PDE10A: variants seen among roughly 807,000 people sequenced by gnomAD.
The protein encoded by PDE10A is phosphodiesterase 10A.
A neutral mutation model predicts 97.7 loss-of-function variants in PDE10A; 39 were observed. The observed-to-expected ratio is 0.40, with a 90% CI of 0.31 to 0.52. The LOEUF is 0.52. Among genes scored for constraint, PDE10A ranks in the 20% least tolerant of loss-of-function variants. The pLI is 0.56. For missense variants in PDE10A, 731 were observed against 1,047.8 expected, an observed-to-expected ratio of 0.70 and a Z score of 4.17; for synonymous variants, 371 against 376.8, an observed-to-expected ratio of 0.98 and a Z score of 0.18.
intron 1 of PDE10A, among the ~76,000 whole-genome samples, chr6:165,550,543 T>C (rs1783961068): frequency 6.6e-6 from 1 of 152,186 alleles, no homozygotes. Flanking sequence ...ATATGAGGAA[T>C]GGGTGAATGA....
intron 3 of PDE10A, among the ~76,000 whole-genome samples, chr6:165,470,297 A>C (rs1778912509): frequency 6.6e-6 from 1 of 152,212 alleles, no homozygotes. Flanking sequence ...GACTCCACGT[A>C]ATTCTAACTT....
At chr6:165,987,153 G>C (rs946453011) in intron 1 of PDE10A, among the ~76,000 whole-genome samples, 1 of 152,154 alleles carries the variant, frequency 6.6e-6, no homozygotes, top group Non-Finnish European at 1.5e-5. Context: ...CAGCCGCTGC[G>C]GTTTGCAGCT....
chr6:165,342,712 T>G (rs977886480), intron 19 of PDE10A, among the ~76,000 whole-genome samples: 1 of 152,234 alleles, frequency 6.6e-6, no homozygotes, highest in African/African-American at 2.4e-5. Flanking sequence ...CATAGAGTAG[T>G]TTTTGAATAT....
chr6:165,772,181 TTG>T (rs1778031467), intron 1 of PDE10A, among the ~76,000 whole-genome samples: 1 of 152,180 alleles, frequency 6.6e-6, no homozygotes, highest in South Asian at 2.1e-4. Flanking sequence ...GAATAAAGCA[TTG>T]TGTTTTTGAA....
chr6:165,433,089 G>T lies in PDE10A; in HGVS notation c.1376C>A (p.Thr459Asn), dbSNP rs200203578. 394 of 1,613,370 alleles carry T rather than the reference G, an allele frequency of 2.4e-4. 2 individuals are homozygous for T. The Admixed American group carries it at 4.1e-3, about 17-fold the overall frequency. Residue 459 changes from threonine (T) to asparagine (N), a missense_variant, in exon 7 of 22, where the codon ACT becomes AAT. Around this residue, in one of 8 missense-constraint regions of PDE10A, gnomAD observed 152 missense variants for 199.3 expected, o/e 0.76. Transcript: ENST00000539869. ...FPRGTGLESG[T>N]RIQSVLCLPI... ...TAAGCAAAGAACAGACTGGATACGAGTCCCTGATTCCAGTCCAGTACCTCT... is the reference window on the plus strand; with the variant it reads ...TAAGCAAAGAACAGACTGGATACGATTCCCTGATTCCAGTCCAGTACCTCT...
chr6:165,964,968 C>T (rs1473796515), intron 1 of PDE10A, among the ~76,000 whole-genome samples: 1 of 152,162 alleles, frequency 6.6e-6, no homozygotes, highest in Non-Finnish European at 1.5e-5. Flanking sequence ...AGGCATCAAG[C>T]CTTCAGTTGG....
At chr6:165,804,978 G>A (rs1219761393) in intron 1 of PDE10A, among the ~76,000 whole-genome samples, 6 of 149,032 alleles carry the variant, frequency 4.0e-5, no homozygotes, top group Admixed American at 1.3e-4. Flanking sequence ...ACGGAGGGAC[G>A]GCGGGGCCTG....
intron 4 of PDE10A, among the ~76,000 whole-genome samples, chr6:165,449,447 T>G (rs1389015782): frequency 6.6e-6 from 1 of 152,166 alleles, no homozygotes; most frequent in Non-Finnish European, 1.5e-5. Flanking sequence ...CAGGGTCATC[T>G]GAAGGCAACT....
intron 1 of PDE10A, among the ~76,000 whole-genome samples, chr6:165,602,901 G>T (rs1394832190): frequency 6.6e-6 from 1 of 152,042 alleles, no homozygotes; most frequent in East Asian, 1.9e-4. Flanking sequence ...TGTCCTGTTG[G>T]CAATAATTAT....
At chr6:165,748,578 A>G (rs1305316658) in intron 1 of PDE10A, among the ~76,000 whole-genome samples, 2 of 152,186 alleles carry the variant, frequency 1.3e-5, no homozygotes, top group Admixed American at 6.6e-5. Context: ...ATAAATATTT[A>G]TGTTTTATTC....
chr6:165,983,652 C>A (rs537114233), intron 1 of PDE10A, among the ~76,000 whole-genome samples: 3 of 152,314 alleles, frequency 2.0e-5, no homozygotes, highest in Admixed American at 2.0e-4. Flanking sequence ...ACACATAAAC[C>A]TTCCAAGTTG....
At chr6:165,679,754 G>A (rs1320551737) in intron 1 of PDE10A, among the ~76,000 whole-genome samples, 4 of 152,204 alleles carry the variant, frequency 2.6e-5, no homozygotes, top group Admixed American at 2.0e-4. Context: ...GTAAGACAAA[G>A]GGCCACAAGA....
At chr6:165,377,909 T>C (rs1784711625) in intron 18 of PDE10A, among the ~76,000 whole-genome samples, 2 of 152,200 alleles carry the variant, frequency 1.3e-5, no homozygotes, top group Non-Finnish European at 2.9e-5. Flanking sequence ...CCATCCCTCT[T>C]TGTGGTCCAG....
chr6:165,780,772 C>T (rs976113341), intron 1 of PDE10A: 4 of 152,248 alleles, frequency 2.6e-5, no homozygotes, highest in Admixed American at 2.0e-4. Context: ...GAGGTCTCAC[C>T]CTCTCAACGC....
chr6:165,802,262 T>C (rs1779004869), intron 1 of PDE10A, among the ~76,000 whole-genome samples: 1 of 152,158 alleles, frequency 6.6e-6, no homozygotes, highest in African/African-American at 2.4e-5. Context: ...ACATGACTTC[T>C]GCTCTACACT....
rs562688591 is a variant in PDE10A at position 165,481,635 on chromosome 6, G to C, written c.1023+680C>G. Among the ~76,000 whole-genome samples the C allele has an allele frequency of 3.3e-5, 5 of 152,170 alleles. 1 individual carries two copies. The South Asian group carries it at 1.0e-3, about 32-fold the overall frequency. On this transcript the variant is annotated intron_variant, in intron 3 of 21. Transcript: ENST00000539869. ...ATCTGTGTAATACAGAAAAAACTAA[G>C]ACACTTTTTTCCAAATGTAATTAAT...
rs530912231 is a variant in PDE10A, at chr6:165,907,418, G to A, written c.-615+80111C>T. On this transcript the variant is annotated intron_variant, in intron 1 of 19. Coordinates refer to the PDE10A transcript ENST00000366882. ...CAGCTGCCCTTCCCGGGAGCCTCGC[G>A]TTGCTGGAACTGGATTCAGGTGCGA... 9.8e-5 allele frequency among the ~76,000 whole-genome samples: 15 copies of A among 152,378 alleles called. No individual in the cohort carries two copies. In the South Asian group the frequency reaches 1.4e-3, roughly 15 times the overall value.
intron 2 of PDE10A, among the ~76,000 whole-genome samples, chr6:165,513,954 GT>G (rs1781652320): frequency 6.6e-6 from 1 of 152,106 alleles, no homozygotes; most frequent in South Asian, 2.1e-4. Context: ...ATATAAGACA[GT>G]TTTAGTTCTT....
At chr6:165,973,111 T>C (rs1029021715) in intron 1 of PDE10A, among the ~76,000 whole-genome samples, 2 of 152,176 alleles carry the variant, frequency 1.3e-5, no homozygotes, top group African/African-American at 4.8e-5. Flanking sequence ...AAAATACTGG[T>C]TGAGCCCAAT....
Sources: allele counts gnomAD v4.1 joint callset (sites outside exome capture counted in the v4.1 genomes callset), GRCh38; gene constraint gnomAD v4.1.1; regional missense constraint gnomAD v4.1.1; transcripts MANE v1.5; gene names NCBI Gene and HGNC (gene_info 2026-07-23, HGNC 2026-07-21).